Variants in GRIN2B observed in about 807,000 individuals in gnomAD.
GRIN2B encodes glutamate ionotropic receptor NMDA type subunit 2B.
GRIN2B carries 5 observed loss-of-function variants against 114.5 expected under a neutral mutation model. The ratio of observed to expected loss-of-function variants is 0.04; its 90% CI spans 0.02 to 0.09. The LOEUF is 0.09. Among genes scored for constraint, GRIN2B ranks in the 10% least tolerant of loss-of-function variants. The pLI, the probability that GRIN2B is intolerant of heterozygous loss-of-function variation, is 1.00. For synonymous variants in GRIN2B, 787 were observed against 745.1 expected (o/e 1.06, Z -0.92); for missense variants, 1,108 against 1,943.5 (o/e 0.57, Z 8.08).
intron 10 of GRIN2B, among the ~76,000 whole-genome samples, chr12:13,577,219 C>T (rs1948788014): frequency 6.6e-6 from 1 of 152,220 alleles, no homozygotes; most frequent in African/African-American, 2.4e-5. Flanking sequence ...CCATCCTTCC[C>T]ACCGCATTTA....
chr12:13,603,308 A>G (rs1159236431), intron 10 of GRIN2B, among the ~76,000 whole-genome samples: 3 of 152,328 alleles, frequency 2.0e-5, no homozygotes, highest in East Asian at 1.9e-4. Flanking sequence ...GAAAGGATCT[A>G]ACTTGTTAGG....
intron 2 of GRIN2B, among the ~76,000 whole-genome samples, chr12:13,878,518 A>G (rs967354610): frequency 6.6e-6 from 1 of 152,216 alleles, no homozygotes; most frequent in African/African-American, 2.4e-5. Context: ...ACTATCTTCA[A>G]ATTAAACAAA....
chr12:13,598,438 C>T (rs1175154871), intron 10 of GRIN2B, among the ~76,000 whole-genome samples: 1 of 152,160 alleles, frequency 6.6e-6, no homozygotes. Flanking sequence ...GGCCCACCAG[C>T]CAGGGACCAG....
chr12:13,641,698 C>T (rs1949717862), intron 5 of GRIN2B, among the ~76,000 whole-genome samples: 1 of 152,016 alleles, frequency 6.6e-6, no homozygotes, highest in Non-Finnish European at 1.5e-5. Flanking sequence ...AGGACTGAGC[C>T]CTGTGCAGCA....
At chr12:13,834,123 C>T (rs947249975) in intron 3 of GRIN2B, among the ~76,000 whole-genome samples, 3 of 145,752 alleles carry the variant, frequency 2.1e-5, no homozygotes, top group Non-Finnish European at 4.5e-5. Flanking sequence ...CTCTGCCTCC[C>T]GTGTTCATGC....
intron 3 of GRIN2B, among the ~76,000 whole-genome samples, chr12:13,863,354 A>G (rs1016319968): frequency 6.6e-6 from 1 of 152,170 alleles, no homozygotes; most frequent in African/African-American, 2.4e-5. Flanking sequence ...ATCCCCCACA[A>G]TGCCATCTAA....
chr12:13,735,231 C>A (rs545106886), intron 4 of GRIN2B, among the ~76,000 whole-genome samples: 1 of 152,254 alleles, frequency 6.6e-6, no homozygotes, highest in South Asian at 2.1e-4. Flanking sequence ...TTCTCATACC[C>A]AACTTGATTT....
chr12:13,726,454 G>C (rs1216363042), intron 4 of GRIN2B, among the ~76,000 whole-genome samples: 3 of 150,972 alleles, frequency 2.0e-5, no homozygotes, highest in Non-Finnish European at 4.4e-5. Context: ...AGAATCACTT[G>C]AACTCAGGAG....
intron 4 of GRIN2B, among the ~76,000 whole-genome samples, chr12:13,676,788 C>A (rs1591671176): frequency 6.6e-6 from 1 of 152,084 alleles, no homozygotes; most frequent in Non-Finnish European, 1.5e-5. Context: ...GTACAGTAAG[C>A]AGGGATCTGA....
rs1340212086 is a variant in GRIN2B at position 13,558,633 on chromosome 12, A to G, written c.*4150T>C. The G allele has an allele frequency of 6.6e-6, 1 of 152,232 alleles. No homozygotes were observed. The highest frequency in any genetic ancestry group is 6.5e-5 in the Admixed American group (1 of 15,284). 9.4% of individuals were successfully genotyped at this position (152,232 alleles called of 1,614,324 possible). A position where few individuals can be genotyped will look rare whatever the true frequency, so the allele number is the denominator to read the frequency against. ...CTGTATAGACAACTCCTACTGTATC[A>G]TGTCATACATGCGTTTTTGGCACTA... On this transcript the variant is annotated 3_prime_UTR_variant, in exon 14 of 14. Transcript: ENST00000609686.
intron 4 of GRIN2B, among the ~76,000 whole-genome samples, chr12:13,742,008 CT>C (rs1371246505): frequency 6.6e-5 from 10 of 152,266 alleles, no homozygotes; most frequent in African/African-American, 1.9e-4. Context: ...AAAGTACAGG[CT>C]TTTTCTTGAT....
At chr12:13,580,349 T>A (rs1057040895) in intron 10 of GRIN2B, among the ~76,000 whole-genome samples, 9 of 152,218 alleles carry the variant, frequency 5.9e-5, no homozygotes, top group Admixed American at 2.0e-4. Context: ...GACAAACCAG[T>A]GCTGTGACCT....
chr12:13,811,702 T>G (rs1002417110), intron 3 of GRIN2B, among the ~76,000 whole-genome samples: 1 of 152,244 alleles, frequency 6.6e-6, no homozygotes, highest in African/African-American at 2.4e-5. Flanking sequence ...TTTCCTGCAT[T>G]TCCCCTCATA....
At chr12:13,720,410 T>C (rs1172603710) in intron 4 of GRIN2B, among the ~76,000 whole-genome samples, 1 of 152,014 alleles carries the variant, frequency 6.6e-6, no homozygotes, top group African/African-American at 2.4e-5. Context: ...GGGTCAAACG[T>C]CATCTTGAAG....
intron 2 of GRIN2B, among the ~76,000 whole-genome samples, chr12:13,866,687 A>G (rs1020933426): frequency 6.6e-6 from 1 of 152,204 alleles, no homozygotes; most frequent in Non-Finnish European, 1.5e-5. Flanking sequence ...GTGGGGGGCT[A>G]TAAGTACACA....
At position 13,693,427 on chromosome 12, in the gene GRIN2B, T is replaced by C. The variant is rs143957435; in HGVS notation, c.1011-17568A>G. Among the ~76,000 whole-genome samples the C allele has an allele frequency of 2.7e-3, 406 of 152,230 alleles. 5 individuals carry two copies. The highest frequency in any genetic ancestry group is 9.5e-3 in the African/African-American group (393 of 41,548). ...AAACTATAAAGCATGGCATATACCT[T>C]ATAGCCCTTCCTCTACACCTTTAGG... On this transcript the variant is annotated intron_variant, in intron 4 of 13. Transcript: ENST00000609686.
chr12:13,580,308 A>T (rs1437601291), intron 10 of GRIN2B, among the ~76,000 whole-genome samples: 3 of 152,208 alleles, frequency 2.0e-5, no homozygotes, highest in Non-Finnish European at 4.4e-5. Context: ...CTACTCATTC[A>T]GTCTGTGTCC....
chr12:13,927,745 G>T (rs1279005455), intron 2 of GRIN2B, among the ~76,000 whole-genome samples: 1 of 151,424 alleles, frequency 6.6e-6, no homozygotes, highest in African/African-American at 2.4e-5. Flanking sequence ...CTTGAGCCCA[G>T]GAGTACAAGA....
chr12:13,780,501 T>C (rs763492529), intron 3 of GRIN2B, among the ~76,000 whole-genome samples: 1 of 152,202 alleles, frequency 6.6e-6, no homozygotes, highest in Non-Finnish European at 1.5e-5. Context: ...AGATGCACTA[T>C]GTTTCCCGAA....
Sources: allele counts gnomAD v4.1 joint callset (sites outside exome capture counted in the v4.1 genomes callset), GRCh38; gene constraint gnomAD v4.1.1; transcripts MANE v1.5; gene names NCBI Gene and HGNC (gene_info 2026-07-23, HGNC 2026-07-21).